The following OSBP2 variants were observed in gnomAD, a reference collection of about 807,000 sequenced individuals.
OSBP2 encodes the protein oxysterol binding protein 2.
In OSBP2, 66 loss-of-function variants were observed where a neutral mutation model predicts 96.0. The observed-to-expected ratio is 0.69, with a 90% CI of 0.56 to 0.84. OSBP2 has a LOEUF of 0.84. Among genes scored for constraint, OSBP2 ranks in the 40% least tolerant of loss-of-function variants. The pLI is 0.00. For missense variants in OSBP2, 1,038 were observed against 1,222.7 expected (o/e 0.85, Z 2.25); for synonymous variants, 525 against 520.9 (o/e 1.01, Z -0.11).
chr22:30,858,296 G>T (rs563099988), intron 2 of OSBP2, among the ~76,000 whole-genome samples: 2 of 151,048 alleles, frequency 1.3e-5, no homozygotes, highest in South Asian at 4.2e-4. Flanking sequence ...ACAGGCGCCC[G>T]CCACCGCGCC....
chr22:30,783,350 C>G lies in OSBP2; in HGVS notation c.853+41981C>G, dbSNP rs975443468. The stretch of plus-strand genomic sequence containing the variant: ...TTTTTTTTGGTGACAGAGTCTTGCT[C>G]TGTTGCCCAGGCTGGAGTGCAGTGG... On this transcript the variant is annotated intron_variant, in intron 2 of 13. Coordinates refer to ENST00000332585, the MANE Select transcript of OSBP2 (RefSeq NM_030758.4). Among the ~76,000 whole-genome samples, 16 of 105,992 alleles carry G rather than the reference C, an allele frequency of 1.5e-4. 1 individual carries two copies. In the Admixed American group the frequency reaches 2.2e-3, roughly 15 times the overall value. 69.5% of individuals were successfully genotyped at this position (105,992 alleles called of 152,430 possible).
rs773826117 is a variant in OSBP2 at position 30,889,216 on chromosome 22, C to T, written c.1458C>T (p.Asp486=). The T allele has an allele frequency of 2.9e-5, 47 of 1,613,350 alleles. 1 individual carries two copies. In the South Asian group the frequency reaches 5.2e-4, roughly 18 times the overall value. Residue 486 remains aspartate, a synonymous_variant, in exon 6 of 14, where the codon GAC becomes GAT. Coordinates refer to ENST00000332585, the MANE Select transcript of OSBP2 (RefSeq NM_030758.4). The part of the protein sequence containing the change: ...AEGSTGTSSV[D]WSSADNVLDG... Reference sequence around the variant, plus strand: ...GTAGCACCGGGACAAGTTCCGTGGACTGGAGCTCAGCAGACAATGTAAGTG... The same window carrying T: ...GTAGCACCGGGACAAGTTCCGTGGATTGGAGCTCAGCAGACAATGTAAGTG...
At chr22:30,828,249 T>G (rs2038445439) in intron 2 of OSBP2, among the ~76,000 whole-genome samples, 4 of 152,220 alleles carry the variant, frequency 2.6e-5, no homozygotes, top group Admixed American at 2.6e-4. Context: ...GAATTTGTCT[T>G]TTCCGTTAGG....
At chr22:30,865,346 C>T (rs569207815) in intron 2 of OSBP2, among the ~76,000 whole-genome samples, 4 of 152,224 alleles carry the variant, frequency 2.6e-5, no homozygotes, top group East Asian at 1.9e-4. Flanking sequence ...CAGTTATGGC[C>T]GGGCATGGTG....
chr22:30,847,617 C>T (rs1035793439), intron 2 of OSBP2, among the ~76,000 whole-genome samples: 7 of 152,130 alleles, frequency 4.6e-5, no homozygotes, highest in African/African-American at 1.7e-4. Flanking sequence ...TCACCAAAGC[C>T]TTCTGAGCCC....
At chr22:30,865,771 A>C (rs1369502219) in intron 2 of OSBP2, among the ~76,000 whole-genome samples, 1 of 151,986 alleles carries the variant, frequency 6.6e-6, no homozygotes, top group Non-Finnish European at 1.5e-5. Flanking sequence ...GGTGGTTACC[A>C]TCCTTCCCAG....
chr22:30,737,461 T>C (rs929137211), intron 1 of OSBP2, among the ~76,000 whole-genome samples: 7 of 151,514 alleles, frequency 4.6e-5, no homozygotes, highest in Admixed American at 4.6e-4. Flanking sequence ...TAGCTGGGAC[T>C]ACAGGCGCAC....
At chr22:30,878,300 G>A (rs1027784565) in intron 3 of OSBP2, among the ~76,000 whole-genome samples, 12 of 152,258 alleles carry the variant, frequency 7.9e-5, no homozygotes, top group East Asian at 3.8e-4. Context: ...CGCTATCCGC[G>A]AGGCAGGGGC....
intron 2 of OSBP2, among the ~76,000 whole-genome samples, chr22:30,767,138 C>CAAAAAAAAAAAAAAA (rs1156950666): frequency 6.4e-5 from 5 of 78,442 alleles, no homozygotes; most frequent in African/African-American, 9.4e-5. Context: ...ACTAAAAATA[C>CAAAAAAAAAAAAAAA]AAAAAAAAAA....
chr22:30,856,373 C>CTTTTTTTTT lies in OSBP2; in HGVS notation c.854-14034_854-14026dup, dbSNP rs56875088. 5.4e-3 allele frequency among the ~76,000 whole-genome samples: 550 copies of CTTTTTTTTT among 101,368 alleles called. 31 individuals are homozygous for CTTTTTTTTT. The highest frequency in any genetic ancestry group is 8.1e-3 in the Non-Finnish European group (406 of 50,100). 66.5% of individuals were successfully genotyped at this position (101,368 alleles called of 152,430 possible). On this transcript the variant is annotated intron_variant, in intron 2 of 13. Transcript: ENST00000332585. ...CTTGGCAGTTGGAAACAGAGCCCTTCTTTTTTTTTTTTTTTTTTTTTTTTT... is the reference window on the plus strand; with the variant it reads ...CTTGGCAGTTGGAAACAGAGCCCTTCTTTTTTTTTTTTTTTTTTTTTTTTTTTTTTTTTT...
At chr22:30,799,150 C>G (rs2090815031) in intron 2 of OSBP2, among the ~76,000 whole-genome samples, 2 of 149,634 alleles carry the variant, frequency 1.3e-5, no homozygotes, top group African/African-American at 4.9e-5. Context: ...CACTGTGTCG[C>G]CCAGGCTGGA....
chr22:30,783,746 C>T (rs1389726606), intron 2 of OSBP2, among the ~76,000 whole-genome samples: 2 of 152,288 alleles, frequency 1.3e-5, no homozygotes, highest in East Asian at 3.9e-4. Context: ...ACGCAACTTA[C>T]GGCGATTTCT....
At chr22:30,786,207 G>A (rs1037814128) in intron 2 of OSBP2, among the ~76,000 whole-genome samples, 3 of 152,136 alleles carry the variant, frequency 2.0e-5, no homozygotes, top group Non-Finnish European at 2.9e-5. Context: ...ATTTTCAGTA[G>A]AGATGGAGTT....
In OSBP2 at chr22:30,893,518, C is replaced by T; in HGVS notation, c.2046C>T (p.Ser682=). ...GGAATCACTACGTGTGGAGGAAGAG[C>T]ACCTCAACTGTTCACAACATCATCG... ...ASGNHYVWRK[S]TSTVHNIIVG... is the part of the protein sequence containing the mutation. The change falls in exon 10 of 14, where the codon AGC becomes AGT. Residue 682 remains serine (S), a synonymous_variant. Transcript: ENST00000332585. 1 of 1,614,172 alleles carries T rather than the reference C, an allele frequency of 6.2e-7. No individual in the cohort carries two copies. The highest frequency in any genetic ancestry group is 8.5e-7 in the Non-Finnish European group (1 of 1,180,000).
At chr22:30,838,658 G>A (rs2038683736) in intron 2 of OSBP2, among the ~76,000 whole-genome samples, 1 of 151,976 alleles carries the variant, frequency 6.6e-6, no homozygotes, top group Non-Finnish European at 1.5e-5. Context: ...AGTTTTCTGA[G>A]AGATTTTATG....
Position 30,730,716 on chromosome 22 carries a change from G to GTCTCTCTCTCTCTCTCCCTCTC in OSBP2, c.645-10429_645-10428insCCTCTCTCTCTCTCTCTCTCTC, listed in dbSNP as rs2089737186. ...CATCTGGATTCAGATTCGCTGCCCT[G>GTCTCTCTCTCTCTCTCCCTCTC]TCTCTCTCTCTCTCTCTCTCTCTCT... On this transcript the variant is annotated intron_variant, in intron 1 of 13. Coordinates refer to ENST00000332585, the MANE Select transcript of OSBP2 (RefSeq NM_030758.4). Among the ~76,000 whole-genome samples the GTCTCTCTCTCTCTCTCCCTCTC allele has an allele frequency of 1.0e-4, 2 of 19,962 alleles. 1 individual carries two copies. The highest frequency in any genetic ancestry group is 1.9e-4 in the Non-Finnish European group (2 of 10,376). 13.1% of individuals were successfully genotyped at this position (19,962 alleles called of 152,430 possible).
intron 2 of OSBP2, among the ~76,000 whole-genome samples, chr22:30,777,257 A>C (rs1392765177): frequency 6.6e-6 from 1 of 152,022 alleles, no homozygotes; most frequent in Non-Finnish European, 1.5e-5. Flanking sequence ...CTGTGTCCCC[A>C]CTCAGATCTC....
chr22:30,802,872 C>T (rs377648986), intron 2 of OSBP2, among the ~76,000 whole-genome samples: 1 of 152,266 alleles, frequency 6.6e-6, no homozygotes, highest in East Asian at 1.9e-4. Context: ...GGCGGGCGGG[C>T]GGAGCGGGCG....
At chr22:30,720,908 G>A (rs1706344891) in intron 1 of OSBP2, among the ~76,000 whole-genome samples, 1 of 152,102 alleles carries the variant, frequency 6.6e-6, no homozygotes, top group Non-Finnish European at 1.5e-5. Flanking sequence ...TGCTGATGGA[G>A]TCCTTCCCTT....
Sources: gnomAD v4.1 joint callset for allele counts (sites outside exome capture counted in the v4.1 genomes callset) on GRCh38, gnomAD v4.1.1 for gene constraint, MANE v1.5 for transcripts, NCBI Gene and HGNC (gene_info 2026-07-23, HGNC 2026-07-21) for gene names.